The following SDK1 variants were observed in gnomAD, a reference collection of about 807,000 sequenced individuals.
SDK1 encodes the protein protein sidekick-1.
SDK1 carries 157 observed loss-of-function variants against 245.5 expected under a neutral mutation model. The ratio of observed to expected loss-of-function variants is 0.64; its 90% CI spans 0.56 to 0.73. The LOEUF (loss-of-function observed/expected upper bound fraction) is 0.73, where lower values mean the gene tolerates loss of function less well. Ranked by LOEUF, SDK1 falls within the 30% of genes least tolerant of loss-of-function variation. The probability of loss-of-function intolerance (pLI) is 0.00; values close to 1 mark genes in which losing one functional copy is unlikely to be tolerated. For missense variants in SDK1, 3,583 were observed against 3,002.3 expected, an observed-to-expected ratio of 1.19 and a Z score of -4.52; for synonymous variants, 1,647 against 1,278.5, an observed-to-expected ratio of 1.29 and a Z score of -6.15.
intron 28 of SDK1, among the ~76,000 whole-genome samples, chr7:4,132,885 C>G (rs1784935185): frequency 1.3e-5 from 2 of 152,204 alleles, no homozygotes; most frequent in Admixed American, 6.5e-5. Context: ...GGCCTCTTGA[C>G]TGTTTTCTGA....
At chr7:3,755,302 AAT>A (rs1779888933) in intron 4 of SDK1, among the ~76,000 whole-genome samples, 1 of 152,156 alleles carries the variant, frequency 6.6e-6, no homozygotes, top group African/African-American at 2.4e-5. Context: ...GGGGAGCGAA[AAT>A]AGGGACGACT....
At chr7:3,837,688 A>T (rs1208264303) in intron 5 of SDK1, among the ~76,000 whole-genome samples, 1 of 152,192 alleles carries the variant, frequency 6.6e-6, no homozygotes, top group Non-Finnish European at 1.5e-5. Flanking sequence ...AGTTGCTGTG[A>T]TGATGGAAAT....
intron 1 of SDK1, among the ~76,000 whole-genome samples, chr7:3,511,705 T>A (rs897891364): frequency 6.6e-6 from 1 of 152,104 alleles, no homozygotes; most frequent in Non-Finnish European, 1.5e-5. Flanking sequence ...TGTGGACAGT[T>A]AAAGCATAAA....
intron 1 of SDK1, among the ~76,000 whole-genome samples, chr7:3,515,830 C>A (rs2686851): frequency 6.6e-6 from 1 of 151,998 alleles, no homozygotes; most frequent in Non-Finnish European, 1.5e-5. Context: ...TTATTTTGAT[C>A]AGTTTTTGAA....
chr7:3,449,860 G>C (rs1185576524), intron 1 of SDK1, among the ~76,000 whole-genome samples: 1 of 152,180 alleles, frequency 6.6e-6, no homozygotes, highest in Admixed American at 6.5e-5. Flanking sequence ...CTATAGCTTA[G>C]GAGCTAGTGG....
intron 22 of SDK1, among the ~76,000 whole-genome samples, chr7:4,098,616 A>C (rs996348330): frequency 6.6e-6 from 1 of 151,950 alleles, no homozygotes; most frequent in East Asian, 1.9e-4. Context: ...AGAATTCACA[A>C]TTTTCAGGAG....
intron 2 of SDK1, among the ~76,000 whole-genome samples, chr7:3,622,182 A>G (rs1471694863): frequency 2.0e-5 from 3 of 152,180 alleles, no homozygotes; most frequent in Non-Finnish European, 1.5e-5. Context: ...ATTTCAATTT[A>G]AAACAATTTT....
intron 5 of SDK1, among the ~76,000 whole-genome samples, chr7:3,849,016 C>T (rs1780352134): frequency 1.3e-5 from 2 of 152,190 alleles, no homozygotes; most frequent in African/African-American, 4.8e-5. Context: ...TCCGGACCCC[C>T]TTGAGGCCCA....
At chr7:3,754,817 G>A (rs1161851999) in intron 4 of SDK1, among the ~76,000 whole-genome samples, 2 of 152,202 alleles carry the variant, frequency 1.3e-5, no homozygotes, top group South Asian at 2.1e-4. Context: ...TAATGATGGC[G>A]TTAGTTAGGG....
At chr7:3,357,035 A>T (rs1157709597) in intron 1 of SDK1, among the ~76,000 whole-genome samples, 1 of 131,716 alleles carries the variant, frequency 7.6e-6, no homozygotes, top group Non-Finnish European at 1.6e-5. Context: ...AGCCTGGGTG[A>T]CAGAGCGAGA....
At chr7:4,222,908 TG>T (rs1277294487) in intron 40 of SDK1, among the ~76,000 whole-genome samples, 2 of 152,016 alleles carry the variant, frequency 1.3e-5, no homozygotes, top group Admixed American at 1.3e-4. Context: ...AGCTGAGACG[TG>T]TGGGTTCTGG....
At chr7:3,342,561 C>G (rs1310741059) in intron 1 of SDK1, among the ~76,000 whole-genome samples, 1 of 151,670 alleles carries the variant, frequency 6.6e-6, no homozygotes, top group Non-Finnish European at 1.5e-5. Context: ...GCACTCCAGC[C>G]TAGGCAACAA....
Position 3,343,219 on chromosome 7 carries a change from T to A in SDK1, c.298+41335T>A, listed in dbSNP as rs375586762. Among the ~76,000 whole-genome samples the A allele has an allele frequency of 8.5e-4, 129 of 152,260 alleles. 1 individual carries two copies. Among genetic ancestry groups the A allele is most frequent in the African/African-American group, 2.9e-3 (121 of 41,536 alleles). On this transcript the variant is annotated intron_variant, in intron 1 of 44. Transcript: ENST00000404826. ...AATCATGCAAAAACCTGTACACCAA[T>A]GCTTAGAGAAGCTTTATTTATAATA...
chr7:3,817,800 T>G (rs892823325), intron 4 of SDK1, among the ~76,000 whole-genome samples: 1 of 152,220 alleles, frequency 6.6e-6, no homozygotes, highest in Non-Finnish European at 1.5e-5. Flanking sequence ...TAGAGAACTA[T>G]GATTTTGCCT....
intron 20 of SDK1, among the ~76,000 whole-genome samples, chr7:4,071,273 C>G (rs1780240137): frequency 6.6e-6 from 1 of 152,192 alleles, no homozygotes. Context: ...GATCCACCCA[C>G]TTCGGCCTCC....
chr7:4,022,169 C>T (rs1248499765), intron 17 of SDK1, among the ~76,000 whole-genome samples: 1 of 152,156 alleles, frequency 6.6e-6, no homozygotes, highest in Non-Finnish European at 1.5e-5. Context: ...AAGCATAACT[C>T]ATAAAATTAA....
At chr7:4,030,130 C>G (rs1283395355) in intron 17 of SDK1, among the ~76,000 whole-genome samples, 1 of 152,156 alleles carries the variant, frequency 6.6e-6, no homozygotes. Context: ...GCCTGGCCAC[C>G]AGGGGAAGCA....
At chr7:3,338,207 C>A in intron 1 of SDK1, 1 of 270,232 alleles carries the variant, frequency 3.7e-6, no homozygotes. Context: ...GTTCTTTTGG[C>A]CACATACCTG....
At position 3,301,686 on chromosome 7, in the gene SDK1, G is replaced by A. The variant is rs1164054416; in HGVS notation, c.100G>A (p.Gly34Ser). 10 of 972,936 alleles carry A rather than the reference G, an allele frequency of 1.0e-5. No individual in the cohort carries two copies. Among genetic ancestry groups the A allele is most frequent in the Non-Finnish European group, 1.2e-5 (10 of 823,346 alleles). 60.3% of individuals were successfully genotyped at this position (972,936 alleles called of 1,614,324 possible). Residue 34 changes from glycine (G) to serine (S), a missense_variant, in exon 1 of 45, where the codon GGC becomes AGC. Physicochemically the swap from Gly to Ser is moderately conservative, Grantham distance 56. Coordinates refer to ENST00000404826, the MANE Select transcript of SDK1 (RefSeq NM_152744.4). ...CGGGCGGCCGCGGGGATCCCCGCCC[G>A]GCCGCGCCCGCCCCTCGCTGGCGCC... is the stretch of plus-strand genomic sequence containing the variant. The part of the protein sequence containing the change: ...GPGRPRGSPP[G>S]RARPSLAPRP...
Sources: allele counts gnomAD v4.1 joint callset (sites outside exome capture counted in the v4.1 genomes callset), GRCh38; gene constraint gnomAD v4.1.1; transcripts MANE v1.5; gene names NCBI Gene and HGNC (gene_info 2026-07-23, HGNC 2026-07-21).